The following SLC2A10 variants were observed in gnomAD, a reference collection of about 807,000 sequenced individuals.
SLC2A10 encodes solute carrier family 2, facilitated glucose transporter member 10.
SLC2A10 carries 25 observed loss-of-function variants against 32.1 expected under a neutral mutation model. The ratio of observed to expected loss-of-function variants is 0.78; its 90% CI spans 0.57 to 1.09. SLC2A10 has a LOEUF of 1.09. Among genes scored for constraint, SLC2A10 ranks in the 50% least tolerant of loss-of-function variants. SLC2A10 has a pLI of 0.00. For missense variants in SLC2A10, 673 were observed against 686.5 expected (o/e 0.98, Z 0.22); for synonymous variants, 332 against 309.6 (o/e 1.07, Z -0.76).
At chr20:46,729,733 C>T (rs1040816890) in intron 4 of SLC2A10, among the ~76,000 whole-genome samples, 3 of 147,698 alleles carry the variant, frequency 2.0e-5, no homozygotes, top group African/African-American at 7.6e-5. Context: ...GCTCCGCCTC[C>T]CGGGTTCACG....
intron 1 of SLC2A10, among the ~76,000 whole-genome samples, chr20:46,717,372 C>T (rs544304101): frequency 1.3e-5 from 2 of 152,016 alleles, no homozygotes; most frequent in Admixed American, 6.5e-5. Context: ...AAATGTGGAC[C>T]AGTTCACCTT....
chr20:46,733,287 C>A (rs201076288), intron 4 of SLC2A10, among the ~76,000 whole-genome samples: 3 of 152,088 alleles, frequency 2.0e-5, no homozygotes, highest in East Asian at 3.9e-4. Flanking sequence ...GGTGGTGCTG[C>A]ACACTTTTAA....
chr20:46,720,080 G>T (rs1433410090), intron 1 of SLC2A10, among the ~76,000 whole-genome samples: 3 of 152,108 alleles, frequency 2.0e-5, no homozygotes, highest in Non-Finnish European at 4.4e-5. Context: ...CTTCCCACTG[G>T]CTCTGAAAGC....
At chr20:46,709,160 G>A (rs1978753482), upstream of SLC2A10, among the ~76,000 whole-genome samples, 1 of 152,220 alleles carries the variant, frequency 6.6e-6, no homozygotes, top group East Asian at 1.9e-4. Context: ...TGCCTGGTAT[G>A]TGGTGGTGTC....
intron 1 of SLC2A10, among the ~76,000 whole-genome samples, chr20:46,721,190 A>G (rs1979530520): frequency 6.6e-6 from 1 of 152,140 alleles, no homozygotes; most frequent in Non-Finnish European, 1.5e-5. Context: ...TCACAGAGCT[A>G]CTCAGATTCA....
chr20:46,729,573 C>A, intron 4 of SLC2A10, 85 bp downstream of exon 4: 1 of 1,510,200 alleles, frequency 6.6e-7, no homozygotes, highest in Non-Finnish European at 9.1e-7. Flanking sequence ...TTTGTGCTTT[C>A]CTTTTGCAAG....
intron 1 of SLC2A10, among the ~76,000 whole-genome samples, chr20:46,710,877 CT>C (rs368986918): frequency 2.0e-5 from 3 of 149,840 alleles, no homozygotes; most frequent in South Asian, 2.1e-4. Context: ...ATTATCTTTT[CT>C]TTTTTTTTTC....
At chr20:46,727,959 C>T (rs1442414273) in intron 3 of SLC2A10, among the ~76,000 whole-genome samples, 1 of 152,118 alleles carries the variant, frequency 6.6e-6, no homozygotes, top group Non-Finnish European at 1.5e-5. Context: ...GAAGAACCCC[C>T]CCTATCATGG....
chr20:46,723,888 C>T (rs116814032), intron 1 of SLC2A10, among the ~76,000 whole-genome samples: 346 of 152,328 alleles, frequency 2.3e-3, no homozygotes, highest in African/African-American at 7.4e-3. Context: ...TATAGGGTAG[C>T]TGTAACAATT....
intron 1 of SLC2A10, among the ~76,000 whole-genome samples, chr20:46,722,481 C>T (rs1016718495): frequency 1.3e-5 from 2 of 152,236 alleles, no homozygotes; most frequent in African/African-American, 4.8e-5. Context: ...CTTGCCAAGA[C>T]TTGTGACCAC....
upstream of SLC2A10, chr20:46,709,565 C>T: frequency 1.2e-6 from 1 of 813,344 alleles, no homozygotes; most frequent in Non-Finnish European, 1.8e-6. Flanking sequence ...GCCTCGGGGC[C>T]TGGCTGGCCG....
chr20:46,724,072 G>A (rs2123037289), intron 1 of SLC2A10, among the ~76,000 whole-genome samples: 1 of 152,072 alleles, frequency 6.6e-6, no homozygotes, highest in Non-Finnish European at 1.5e-5. Flanking sequence ...GATTTTCCTG[G>A]GACTTTCATG....
At chr20:46,731,798 A>C (rs1192404012) in intron 4 of SLC2A10, among the ~76,000 whole-genome samples, 2 of 152,188 alleles carry the variant, frequency 1.3e-5, no homozygotes, top group Non-Finnish European at 2.9e-5. Context: ...CACAGGGACC[A>C]GGGCATGTCC....
rs565089734 is a variant in SLC2A10, at chr20:46,716,222, G to A, written c.4+6482G>A. ...GGCTGGAGTGCAGTGGCACGATCTCGGCTCACTGCAACCTCCACCTTCCCG... is the reference window on the plus strand; with the variant it reads ...GGCTGGAGTGCAGTGGCACGATCTCAGCTCACTGCAACCTCCACCTTCCCG... On this transcript the variant is annotated intron_variant, in intron 1 of 4. Coordinates refer to ENST00000359271, the MANE Select transcript of SLC2A10 (RefSeq NM_030777.4). Among the ~76,000 whole-genome samples, 9 of 149,620 alleles carry A rather than the reference G, an allele frequency of 6.0e-5. No homozygotes were observed. In the East Asian group the frequency reaches 7.8e-4, roughly 13 times the overall value.
At position 46,729,406 on chromosome 20, in the gene SLC2A10, G is replaced by T. The variant is rs201268555; in HGVS notation, c.1465G>T (p.Gly489Cys). Residue 489 changes from glycine (G) to cysteine (C), a missense_variant, in exon 4 of 5, where the codon GGC becomes TGC. Coordinates refer to ENST00000359271, the MANE Select transcript of SLC2A10 (RefSeq NM_030777.4). ...FLLYGLTAVL[G>C]LGFIYLFVPE... The stretch of plus-strand genomic sequence containing the variant: ...GCTCTACGGACTGACCGCTGTCCTC[G>T]GCCTGGGCTTCATCTATTTATTTGT... 18 of 1,613,838 alleles carry T rather than the reference G, an allele frequency of 1.1e-5. No homozygotes were observed. Among genetic ancestry groups the T allele is most frequent in the Non-Finnish European group, 1.5e-5 (18 of 1,179,992 alleles).
intron 4 of SLC2A10, 126 bp from the exon 5 acceptor site, chr20:46,733,630 G>A: frequency 2.6e-6 from 2 of 777,356 alleles, no homozygotes; most frequent in Non-Finnish European, 4.6e-6. Flanking sequence ...TAAGGCAGGA[G>A]GCAGGAAGGG....
At chr20:46,720,296 C>A (rs1979478253) in intron 1 of SLC2A10, among the ~76,000 whole-genome samples, 1 of 152,120 alleles carries the variant, frequency 6.6e-6, no homozygotes, top group South Asian at 2.1e-4. Flanking sequence ...GGAAAAGAAG[C>A]AAATGGCAAG....
intron 1 of SLC2A10, among the ~76,000 whole-genome samples, chr20:46,715,573 A>G (rs1178035349): frequency 6.6e-6 from 1 of 152,150 alleles, no homozygotes; most frequent in Admixed American, 6.5e-5. Context: ...CCAGCCAGGG[A>G]GTGGCAAGGG....
At chr20:46,724,005 T>G (rs1428436222) in intron 1 of SLC2A10, among the ~76,000 whole-genome samples, 1 of 152,236 alleles carries the variant, frequency 6.6e-6, no homozygotes, top group African/African-American at 2.4e-5. Flanking sequence ...CCAAGAACTG[T>G]CCTACCTCAG....
Sources: allele counts gnomAD v4.1 joint callset (sites outside exome capture counted in the v4.1 genomes callset), GRCh38; gene constraint gnomAD v4.1.1; transcripts MANE v1.5; gene names NCBI Gene and HGNC (gene_info 2026-07-23, HGNC 2026-07-21).